The following ITSN2 variants were observed in gnomAD, a reference collection of about 807,000 sequenced individuals.
The protein encoded by ITSN2 is intersectin-2.
Under a neutral mutation model 243.7 loss-of-function variants are expected in ITSN2, and 156 were observed. That is an observed-to-expected ratio of 0.64 (90% CI 0.56 to 0.73). ITSN2 has a LOEUF of 0.73. Ranked by LOEUF, ITSN2 falls within the 30% of genes least tolerant of loss-of-function variation. The pLI, the probability that ITSN2 is intolerant of heterozygous loss-of-function variation, is 0.00. For synonymous variants in ITSN2, 703 were observed against 699.9 expected, an observed-to-expected ratio of 1.00 and a Z score of -0.07; for missense variants, 1,801 against 1,996.1, an observed-to-expected ratio of 0.90 and a Z score of 1.86.
At chr2:24,247,496 C>T (rs998649378) in intron 27 of ITSN2, among the ~76,000 whole-genome samples, 2 of 152,112 alleles carry the variant, frequency 1.3e-5, no homozygotes, top group African/African-American at 2.4e-5. Flanking sequence ...ACTTACAGAA[C>T]TTGAGAGTAG....
intron 29 of ITSN2, among the ~76,000 whole-genome samples, chr2:24,235,982 G>A (rs977091171): frequency 6.6e-6 from 1 of 152,122 alleles, no homozygotes; most frequent in Non-Finnish European, 1.5e-5. Flanking sequence ...TTTGACCTGG[G>A]AATTCTACTC....
Position 24,210,909 on chromosome 2 carries a change from G to A in ITSN2, c.4128C>T (p.Ser1376=). The A allele has an allele frequency of 6.2e-7, 1 of 1,614,236 alleles. No individual in the cohort carries two copies. Among genetic ancestry groups the A allele is most frequent in the South Asian group, 1.1e-5 (1 of 91,086 alleles). Reference sequence around the variant, plus strand: ...CCCGCTCGAGGGCCAGCTTTAGGGAGGAATGGTCTGCATGGCTCTCCGGGG... The same window carrying A: ...CCCGCTCGAGGGCCAGCTTTAGGGAAGAATGGTCTGCATGGCTCTCCGGGG... ...ENTPESHADH[S]SLKLALERAE... Residue 1376 remains serine (S), a synonymous_variant, in exon 34 of 40, where the codon TCC becomes TCT. Coordinates refer to ENST00000355123, the MANE Select transcript of ITSN2 (RefSeq NM_006277.3).
chr2:24,359,040 A>G (rs1293389291), intron 1 of ITSN2, among the ~76,000 whole-genome samples: 1 of 152,250 alleles, frequency 6.6e-6, no homozygotes, highest in Non-Finnish European at 1.5e-5. Context: ...CATAAAATAC[A>G]TCCACTTTAT....
chr2:24,278,094 TGAG>T (rs1225494521), intron 17 of ITSN2, among the ~76,000 whole-genome samples: 1 of 152,200 alleles, frequency 6.6e-6, no homozygotes, highest in Non-Finnish European at 1.5e-5. Flanking sequence ...AAGTCAAAAA[TGAG>T]GAGAGTACTC....
At position 24,204,913 on chromosome 2, in the gene ITSN2, G is replaced by A. The variant is rs1282585220; in HGVS notation, c.4762+301C>T. ...TGTAATCCCAGCACTTTGGGAGGCC[G>A]AGGCGGGCAGATCACTTGAGGTCAG... On this transcript the variant is annotated intron_variant, in intron 38 of 39. Coordinates refer to ENST00000355123, the MANE Select transcript of ITSN2 (RefSeq NM_006277.3). This position sits in a 1 kb window ranked among gnomAD's most constrained non-coding sequence, Gnocchi z 5.1. 8 of 375,076 alleles carry A rather than the reference G, an allele frequency of 2.1e-5. No homozygotes were observed. The highest frequency in any genetic ancestry group is 4.0e-5 in the South Asian group (2 of 49,876). 23.2% of individuals were successfully genotyped at this position (375,076 alleles called of 1,614,324 possible).
chr2:24,220,753 T>A, intron 30 of ITSN2, 192 bp downstream of exon 30: 1 of 1,394,674 alleles, frequency 7.2e-7, no homozygotes, highest in South Asian at 1.8e-5. Flanking sequence ...AGACTTTCAA[T>A]CTCAAGCATT....
At chr2:24,229,191 T>C (rs998446713) in intron 29 of ITSN2, among the ~76,000 whole-genome samples, 4 of 152,278 alleles carry the variant, frequency 2.6e-5, no homozygotes, top group African/African-American at 7.2e-5. Context: ...TAGAGTTTAA[T>C]ATAGTTCTCT....
chr2:24,234,020 C>A (rs1160119407), intron 29 of ITSN2, among the ~76,000 whole-genome samples: 1 of 151,936 alleles, frequency 6.6e-6, no homozygotes, highest in Non-Finnish European at 1.5e-5. Context: ...GAATAGCCAA[C>A]AAAAAAATTA....
intron 17 of ITSN2, 40 bp from the exon 18 acceptor site, chr2:24,275,889 T>A: frequency 1.4e-6 from 2 of 1,479,344 alleles, no homozygotes; most frequent in Non-Finnish European, 1.8e-6. Flanking sequence ...GTGAATGATT[T>A]AAATATGCTT....
Position 24,310,382 on chromosome 2 carries a change from TA to T in ITSN2, c.557-3del. The T allele has an allele frequency of 6.2e-7, 1 of 1,612,190 alleles. No individual in the cohort carries two copies. Among genetic ancestry groups the T allele is most frequent in the Non-Finnish European group, 8.5e-7 (1 of 1,179,178 alleles). On this transcript the variant is annotated splice_polypyrimidine_tract_variant and splice_region_variant and intron_variant, in intron 6 of 39. Coordinates refer to ENST00000355123, the MANE Select transcript of ITSN2 (RefSeq NM_006277.3). ...TATAAGATGACCCATGAGGCAATGC[TA>T]AAAAAGAAAAAGAAGGAAAAGTATG...
intron 2 of ITSN2, among the ~76,000 whole-genome samples, chr2:24,326,856 T>C (rs1460465690): frequency 1.3e-5 from 2 of 152,208 alleles, no homozygotes; most frequent in African/African-American, 2.4e-5. Flanking sequence ...ATTTTCGTTA[T>C]TAACAATGTA....
chr2:24,340,917 A>G (rs1327790681), intron 1 of ITSN2, among the ~76,000 whole-genome samples: 1 of 152,160 alleles, frequency 6.6e-6, no homozygotes, highest in Non-Finnish European at 1.5e-5. Flanking sequence ...GAGGAAGACA[A>G]CTCTGACAAG....
Position 24,298,671 on chromosome 2 carries a change from T to C in ITSN2, c.1488A>G (p.Glu496=). 6.2e-7 allele frequency: 1 copy of C among 1,600,620 alleles called. No individual in the cohort carries two copies. Among genetic ancestry groups the C allele is most frequent in the Non-Finnish European group, 8.5e-7 (1 of 1,176,390 alleles). The change falls in exon 13 of 40, where the codon GAA becomes GAG. Residue 496 remains glutamate (E), a synonymous_variant. Coordinates refer to ENST00000355123, the MANE Select transcript of ITSN2 (RefSeq NM_006277.3). ...SKKKNLHLEL[E]ALNGKHQQIS... The stretch of plus-strand genomic sequence containing the variant: ...ACTTAAACTTCAGCCATACCAGTGC[T>C]TCCAACTCAAGATGAAGATTCTTCT...
intron 29 of ITSN2, among the ~76,000 whole-genome samples, chr2:24,236,954 CA>C (rs1408538534): frequency 2.0e-5 from 3 of 151,666 alleles, no homozygotes. Flanking sequence ...CTTGGCCTCT[CA>C]AAAGTGCTGG....
At chr2:24,343,169 A>G (rs1687204842) in intron 1 of ITSN2, among the ~76,000 whole-genome samples, 1 of 152,088 alleles carries the variant, frequency 6.6e-6, no homozygotes, top group South Asian at 2.1e-4. Flanking sequence ...TACAATGTTA[A>G]TGCCTAGCTG....
chr2:24,331,692 CA>C lies in ITSN2; in HGVS notation c.-33-3578del, dbSNP rs113145685. ...AGACATCTGTTGAGACCTGACCCCC[CA>C]ATCATTAGTTACCAGTGTGTCAGGC... On this transcript the variant is annotated intron_variant, in intron 1 of 39. Coordinates refer to ENST00000355123, the MANE Select transcript of ITSN2 (RefSeq NM_006277.3). 4.8e-3 allele frequency among the ~76,000 whole-genome samples: 738 copies of C among 152,286 alleles called. 10 individuals carry two copies. The highest frequency in any genetic ancestry group is 0.017 in the African/African-American group (720 of 41,556).
At chr2:24,248,529 G>C (rs571401116) in intron 27 of ITSN2, 100 bp downstream of exon 27, 2 of 921,650 alleles carry the variant, frequency 2.2e-6, no homozygotes, top group South Asian at 3.9e-5. Flanking sequence ...TAAGTGGAAT[G>C]ATTATGGGTG....
intron 2 of ITSN2, among the ~76,000 whole-genome samples, chr2:24,322,582 T>A (rs1684704078): frequency 6.6e-6 from 1 of 152,130 alleles, no homozygotes; most frequent in African/African-American, 2.4e-5. Flanking sequence ...ATACATGAAT[T>A]AACTCTCAAT....
intron 29 of ITSN2, among the ~76,000 whole-genome samples, chr2:24,224,818 C>T (rs557366547): frequency 5.3e-5 from 8 of 152,268 alleles, no homozygotes; most frequent in South Asian, 2.1e-4. Flanking sequence ...TTAGTAGAGA[C>T]GGGGTTTCGC....
Sources: allele counts gnomAD v4.1 joint callset (sites outside exome capture counted in the v4.1 genomes callset), GRCh38; gene constraint gnomAD v4.1.1; non-coding constraint Gnocchi (gnomAD v3.1); transcripts MANE v1.5; gene names NCBI Gene and HGNC (gene_info 2026-07-23, HGNC 2026-07-21).